EPS15: variants seen among roughly 807,000 people sequenced by gnomAD.
The protein encoded by EPS15 is epidermal growth factor receptor substrate 15.
In EPS15, 72 loss-of-function variants were observed where a neutral mutation model predicts 113.8. That is an observed-to-expected ratio of 0.63 (90% CI 0.52 to 0.77). The LOEUF is 0.77. Ranked by LOEUF, EPS15 falls within the 30% of genes least tolerant of loss-of-function variation. The pLI is 0.00. For missense variants in EPS15, 1,048 were observed against 1,045.8 expected (o/e 1.00, Z -0.03); for synonymous variants, 344 against 363.4 (o/e 0.95, Z 0.61).
In EPS15 at chr1:51,463,699, TA is replaced by T; in HGVS notation, c.474del (p.Lys159SerfsTer13). 1.3e-6 allele frequency: 2 copies of T among 1,598,794 alleles called. No homozygotes were observed. Among genetic ancestry groups the T allele is most frequent in the Non-Finnish European group, 1.7e-6 (2 of 1,167,188 alleles). Reference sequence around the variant, plus strand: ...CTTCCAAGGATATCCACAGGTAACTTAGAGTTGAGCAACACTGGTTTCACTT... The same window carrying T: ...CTTCCAAGGATATCCACAGGTAACTTGAGTTGAGCAACACTGGTTTCACTT... Reference protein sequence around the residue: ...GDKVKPVLLNSKLPVDILGRV... With the variant: ...GDKVKPVLLNXKLPVDILGRV... On this transcript the variant is annotated frameshift_variant, in exon 7 of 25. Transcript: ENST00000371733. LOFTEE classifies it high-confidence loss of function.
intron 13 of EPS15, among the ~76,000 whole-genome samples, chr1:51,421,413 TTGATGATGATGA>T (rs3991374): frequency 5.3e-4 from 81 of 151,928 alleles, no homozygotes; most frequent in Middle Eastern, 6.8e-3. Flanking sequence ...ATACTGGTTT[TTGATGATGATGA>T]TGATGATGAT....
intron 8 of EPS15, among the ~76,000 whole-genome samples, chr1:51,449,428 G>A (rs944956401): frequency 1.3e-5 from 2 of 151,976 alleles, no homozygotes; most frequent in African/African-American, 4.8e-5. Context: ...ACAGACATGG[G>A]GCCAATGTGA....
In EPS15 at chr1:51,422,731, A is replaced by G. The variant is rs1239024051; in HGVS notation, c.1041-873T>C. On this transcript the variant is annotated intron_variant, in intron 12 of 24. Coordinates refer to ENST00000371733, the MANE Select transcript of EPS15 (RefSeq NM_001981.3). ...AAATCATGCGTGCACACGCACACAC[A>G]AACACACACACCTCCCTTCACTTTC... 2.0e-5 allele frequency among the ~76,000 whole-genome samples: 3 copies of G among 152,266 alleles called. No homozygotes were observed. In the East Asian group the frequency reaches 5.8e-4, roughly 29 times the overall value.
At chr1:51,428,837 A>AG (rs1651452950) in intron 12 of EPS15, among the ~76,000 whole-genome samples, 1 of 151,524 alleles carries the variant, frequency 6.6e-6, no homozygotes, top group East Asian at 1.9e-4. Flanking sequence ...AAAAAAAAAA[A>AG]AAAAAAAAAA....
chr1:51,493,612 T>C (rs1644279625), intron 1 of EPS15, among the ~76,000 whole-genome samples: 1 of 151,292 alleles, frequency 6.6e-6, no homozygotes, highest in African/African-American at 2.4e-5. Context: ...GGCTCTTAAC[T>C]TTCTTTTTTT....
chr1:51,430,662 T>C (rs1215840883), intron 12 of EPS15, among the ~76,000 whole-genome samples: 3 of 152,046 alleles, frequency 2.0e-5, no homozygotes, highest in Non-Finnish European at 2.9e-5. Context: ...AGTTTTAAAT[T>C]AAAAGTTCCT....
At chr1:51,502,962 A>C (rs1644438287) in intron 1 of EPS15, among the ~76,000 whole-genome samples, 2 of 150,396 alleles carry the variant, frequency 1.3e-5, no homozygotes, top group South Asian at 4.2e-4. Flanking sequence ...GCCAAGATCC[A>C]TGCCACTGAA....
chr1:51,415,179 T>C (rs1650090536), intron 13 of EPS15, among the ~76,000 whole-genome samples: 1 of 152,200 alleles, frequency 6.6e-6, no homozygotes, highest in Non-Finnish European at 1.5e-5. Context: ...ATATTTTTAG[T>C]GAGCCACTTA....
chr1:51,359,978 C>G (rs759203125), intron 24 of EPS15, among the ~76,000 whole-genome samples: 2 of 151,926 alleles, frequency 1.3e-5, no homozygotes, highest in Non-Finnish European at 2.9e-5. Context: ...TCACAGCTCA[C>G]TGCAACCTCC....
intron 24 of EPS15, among the ~76,000 whole-genome samples, chr1:51,360,550 A>C (rs774107719): frequency 6.6e-6 from 1 of 152,206 alleles, no homozygotes; most frequent in African/African-American, 2.4e-5. Flanking sequence ...CAGAGTAAAC[A>C]TGAGAAGTTA....
rs1652530455 is a variant in EPS15 at position 51,440,680 on chromosome 1, C to G, written c.955-248G>C. On this transcript the variant is annotated intron_variant, in intron 11 of 24. Coordinates refer to ENST00000371733, the MANE Select transcript of EPS15 (RefSeq NM_001981.3). ...TATTCTATACTATGTACCCCATCCC[C>G]ACCTCCGATCCGAATGTCTTTGTCA... 3.3e-5 allele frequency among the ~76,000 whole-genome samples: 5 copies of G among 151,954 alleles called. No homozygotes were observed. In the South Asian group the frequency reaches 1.0e-3, roughly 31 times the overall value.
intron 21 of EPS15, among the ~76,000 whole-genome samples, chr1:51,369,443 C>T (rs1328060032): frequency 1.3e-5 from 2 of 152,174 alleles, no homozygotes; most frequent in Non-Finnish European, 2.9e-5. Context: ...TACACAGGGG[C>T]TATGAGCCAG....
intron 12 of EPS15, among the ~76,000 whole-genome samples, chr1:51,428,450 CA>C (rs1194434355): frequency 1.3e-5 from 2 of 152,056 alleles, no homozygotes; most frequent in Non-Finnish European, 2.9e-5. Context: ...TTAGTAGATA[CA>C]CAATGTATAA....
intron 21 of EPS15, among the ~76,000 whole-genome samples, chr1:51,381,286 T>C (rs531497907): frequency 5.9e-5 from 9 of 152,286 alleles, no homozygotes; most frequent in South Asian, 2.1e-4. Flanking sequence ...TTTTAAAAAA[T>C]TGAAATCATA....
rs80105210 is a variant in EPS15 at position 51,446,011 on chromosome 1, T to C, written c.797+949A>G. Among the ~76,000 whole-genome samples, 5 of 152,364 alleles carry C rather than the reference T, an allele frequency of 3.3e-5. No homozygotes were observed. In the East Asian group the frequency reaches 9.6e-4, roughly 29 times the overall value. On this transcript the variant is annotated intron_variant, in intron 10 of 24. Transcript: ENST00000371733. ...CTACTAGTTATGCATATTTAATCTT[T>C]CCCAGTCTTGGGTTCTTGTTTCTTT...
At chr1:51,432,057 G>A (rs960112964) in intron 12 of EPS15, among the ~76,000 whole-genome samples, 1 of 152,138 alleles carries the variant, frequency 6.6e-6, no homozygotes, top group African/African-American at 2.4e-5. Flanking sequence ...AGCACCTGGA[G>A]TGATGGCAAT....
chr1:51,465,603 G>A (rs1376401447), intron 5 of EPS15, among the ~76,000 whole-genome samples: 4 of 151,794 alleles, frequency 2.6e-5, no homozygotes, highest in South Asian at 2.1e-4. Context: ...GCATGATTTC[G>A]GCTCACTGCA....
At chr1:51,422,066 C>A in intron 12 of EPS15, 2 of 1,215,538 alleles carry the variant, frequency 1.6e-6, no homozygotes, top group Non-Finnish European at 2.1e-6. Context: ...ATTGCTTTCT[C>A]ACTAAAATGT....
chr1:51,471,721 T>C lies in EPS15; in HGVS notation c.182A>G (p.Asp61Gly). ...GTTCAGGATACCTTTGCCATCTGTGTCGGCTAAATCCCAAATCTGAAATTT... is the reference window on the plus strand; with the variant it reads ...GTTCAGGATACCTTTGCCATCTGTGCCGGCTAAATCCCAAATCTGAAATTT... The part of the protein sequence containing the change: ...LILGKIWDLA[D>G]TDGKGILNKQ... The change falls in exon 4 of 25, where the codon GAC becomes GGC. Residue 61 changes from aspartate (D) to glycine (G), a missense_variant. Physicochemically the swap from Asp to Gly is moderately conservative, Grantham distance 94. Coordinates refer to ENST00000371733, the MANE Select transcript of EPS15 (RefSeq NM_001981.3). 5 of 1,610,658 alleles carry C rather than the reference T, an allele frequency of 3.1e-6. No homozygotes were observed. Among genetic ancestry groups the C allele is most frequent in the Non-Finnish European group, 4.2e-6 (5 of 1,177,440 alleles).
Sources: allele counts gnomAD v4.1 joint callset (sites outside exome capture counted in the v4.1 genomes callset), GRCh38; gene constraint gnomAD v4.1.1; transcripts MANE v1.5; gene names NCBI Gene and HGNC (gene_info 2026-07-23, HGNC 2026-07-21).